Variants in MGAM observed in about 807,000 individuals in gnomAD.
MGAM encodes alpha-1,4-glucosidase.
In MGAM, 253 loss-of-function variants were observed where a neutral mutation model predicts 358.8. That is an observed-to-expected ratio of 0.71 (90% CI 0.64 to 0.78). The LOEUF (loss-of-function observed/expected upper bound fraction) is 0.78, where lower values mean the gene tolerates loss of function less well. Among genes scored for constraint, MGAM ranks in the 30% least tolerant of loss-of-function variants. The pLI, the probability that MGAM is intolerant of heterozygous loss-of-function variation, is 0.00. For synonymous variants in MGAM, 1,105 were observed against 1,227.1 expected (o/e 0.90, Z 2.08); for missense variants, 3,080 against 3,432.6 (o/e 0.90, Z 2.57).
rs550494922 is a variant in MGAM at position 142,057,572 on chromosome 7, C to T, written c.3693+630C>T. Among the ~76,000 whole-genome samples, 432 of 106,318 alleles carry T rather than the reference C, an allele frequency of 4.1e-3. 2 individuals carry two copies. The Middle Eastern group carries it at 0.062, about 15-fold the overall frequency. 69.7% of individuals were successfully genotyped at this position (106,318 alleles called of 152,430 possible). A position where few individuals can be genotyped will look rare whatever the true frequency, so the allele number is the denominator to read the frequency against. ...GGGTGGTAGTGGGGGGTGGTGGTGA[C>T]GGTAGTGAAGGGTAATGATAATGGT... On this transcript the variant is annotated intron_variant, in intron 30 of 70. Coordinates refer to ENST00000475668, the MANE Select transcript of MGAM (RefSeq NM_001365693.1).
In MGAM at chr7:142,031,735, G is replaced by C; in HGVS notation, c.1526G>C (p.Trp509Ser). ...TATACCAATCCCAACTGTGCTGTTT[G>C]GTGGACAAAGGAATTTGAGCTTTTT... Reference protein sequence around the residue: ...PDYTNPNCAVWWTKEFELFHN... With the variant: ...PDYTNPNCAVSWTKEFELFHN... The change falls in exon 13 of 71, where the codon TGG becomes TCG. Residue 509 changes from tryptophan to serine, a missense_variant. Physicochemically the swap from Trp to Ser is radical, Grantham distance 177 (BLOSUM62 -3). Transcript: ENST00000475668. 3 of 1,613,484 alleles carry C rather than the reference G, an allele frequency of 1.9e-6. No individual in the cohort carries two copies. The highest frequency in any genetic ancestry group is 2.5e-6 in the Non-Finnish European group (3 of 1,179,546).
chr7:142,052,187 A>G lies in MGAM; in HGVS notation c.2806-107A>G, dbSNP rs903727293. 6.3e-6 allele frequency: 6 copies of G among 955,532 alleles called. No homozygotes were observed. In the African/African-American group the frequency reaches 1.0e-4, roughly 16 times the overall value. 59.2% of individuals were successfully genotyped at this position (955,532 alleles called of 1,614,324 possible). On this transcript the variant is annotated intron_variant, in intron 24 of 70. Transcript: ENST00000475668. ...AAGTCATATGTTGCTTGGATGTTTG[A>G]AAGTCTGGTCTAATTTCTATTTTTT...
chr7:142,045,203 T>C lies in MGAM; in HGVS notation c.2499-2582T>C, dbSNP rs1361160017. 1.2e-4 allele frequency among the ~76,000 whole-genome samples: 7 copies of C among 57,434 alleles called. 1 individual carries two copies. The highest frequency in any genetic ancestry group is 3.8e-4 in the African/African-American group (6 of 15,618). 37.7% of individuals were successfully genotyped at this position (57,434 alleles called of 152,430 possible). A position where few individuals can be genotyped will look rare whatever the true frequency, so the allele number is the denominator to read the frequency against. ...AACATATATGATATATAATATATAT[T>C]ATATAACATATATGTATATAATATA... On this transcript the variant is annotated intron_variant, in intron 21 of 70. Coordinates refer to ENST00000475668, the MANE Select transcript of MGAM (RefSeq NM_001365693.1).
Position 142,100,855 on chromosome 7 carries a change from G to A in MGAM, c.7928G>A (p.Gly2643Glu). The change falls in exon 68 of 71, where the codon GGG (glycine) becomes GAG (glutamate). Residue 2643 changes from glycine to glutamate, a missense_variant. Gly to Glu is a moderately conservative substitution (Grantham distance 98). This residue lies in a region of MGAM where 194 missense variants were observed against 172.8 expected (regional missense o/e 1.12). Coordinates refer to ENST00000475668, the MANE Select transcript of MGAM (RefSeq NM_001365693.1). ...KIALDDEGTA[G>E]GWLFWDDGQS... ...GCCTTGGATGATGAAGGAACTGCTG[G>A]GGGCTGGCTCTTCTGGGATGATGGG... 1 of 1,613,354 alleles carries A rather than the reference G, an allele frequency of 6.2e-7. No individual in the cohort carries two copies. The highest frequency in any genetic ancestry group is 1.3e-5 in the African/African-American group (1 of 75,038).
rs1197433906 is a variant in MGAM at position 142,094,878 on chromosome 7, C to T, written c.7458+15C>T. 5 of 1,611,400 alleles carry T rather than the reference C, an allele frequency of 3.1e-6. No individual in the cohort carries two copies. The highest frequency in any genetic ancestry group is 4.5e-5 in the East Asian group (2 of 44,860). ...TTGGGACCAGGGTAGGACAGTGGCC[C>T]CTACCTCCAGTGTTTCACTTGAAAC... On this transcript the variant is annotated intron_variant, in intron 63 of 70. Transcript: ENST00000475668.
intron 1 of MGAM, chr7:142,004,290 C>T (rs1392185868): frequency 6.6e-6 from 1 of 152,108 alleles, no homozygotes; most frequent in Non-Finnish European, 1.5e-5. Flanking sequence ...TGAAATCAAT[C>T]CAAGTGTTCA....
chr7:142,088,468 T>TGTATGTA lies in MGAM; in HGVS notation c.6810+1751_6810+1752insGTATGTA, dbSNP rs371380239. Among the ~76,000 whole-genome samples the TGTATGTA allele has an allele frequency of 9.8e-3, 1,420 of 144,930 alleles. 55 individuals carry two copies. Among genetic ancestry groups the TGTATGTA allele is most frequent in the African/African-American group, 0.033 (1,342 of 40,828 alleles). ...ATGTATGTATGTATGTATGTACGTA[T>TGTATGTA]CTATCTATCTACCTATCTCAGTCTA... On this transcript the variant is annotated intron_variant, in intron 57 of 70. Coordinates refer to ENST00000475668, the MANE Select transcript of MGAM (RefSeq NM_001365693.1).
At position 142,040,334 on chromosome 7, in the gene MGAM, T is replaced by C. The variant is rs190737758; in HGVS notation, c.2373+163T>C. Reference sequence around the variant, plus strand: ...ACCTGGGTAAAGTTAACCTAAACCGTTAACATCAGTCATGATGAAATGTGA... The same window carrying C: ...ACCTGGGTAAAGTTAACCTAAACCGCTAACATCAGTCATGATGAAATGTGA... On this transcript the variant is annotated intron_variant, in intron 20 of 70. Transcript: ENST00000475668. 1.6e-4 allele frequency: 101 copies of C among 631,770 alleles called. 3 individuals carry two copies. In the South Asian group the frequency reaches 2.0e-3, roughly 12 times the overall value. 39.1% of individuals were successfully genotyped at this position (631,770 alleles called of 1,614,324 possible).
At chr7:142,057,007 T>G in intron 30 of MGAM, 65 bp downstream of exon 30, 1 of 1,452,860 alleles carries the variant, frequency 6.9e-7, no homozygotes, top group Non-Finnish European at 9.5e-7. Context: ...AGAGTCCACA[T>G]TGATTAGTAT....
At position 142,050,844 on chromosome 7, in the gene MGAM, A is replaced by G; in HGVS notation, c.2785A>G (p.Thr929Ala). The G allele has an allele frequency of 6.2e-7, 1 of 1,613,706 alleles. No individual in the cohort carries two copies. The highest frequency in any genetic ancestry group is 8.5e-7 in the Non-Finnish European group (1 of 1,179,666). Residue 929 changes from threonine (T) to alanine (A), a missense_variant, in exon 24 of 71, where the codon ACT becomes GCT. Thr to Ala is a moderately conservative substitution (Grantham distance 58, BLOSUM62 0). Around this residue, in one of 5 missense-constraint regions of MGAM, gnomAD observed 1,816 missense variants for 1,840.5 expected, o/e 0.99. Transcript: ENST00000475668. ...CCCAAGTCAGACTTCTCCTACAGTCACTTATGATTCTAACCTGAAGGTAAA... is the reference window on the plus strand; with the variant it reads ...CCCAAGTCAGACTTCTCCTACAGTCGCTTATGATTCTAACCTGAAGGTAAA... ...GVPSQTSPTV[T>A]YDSNLKVAII...
chr7:141,998,883 G>A (rs542079255), intron 1 of MGAM, among the ~76,000 whole-genome samples: 89 of 152,194 alleles, frequency 5.8e-4, no homozygotes, highest in African/African-American at 1.9e-3. Context: ...GTGTAAAAGC[G>A]TTCATATGTA....
rs1369112378 is a variant in MGAM, at chr7:142,080,739, T to C, written c.5848-52T>C. On this transcript the variant is annotated intron_variant, in intron 49 of 70. Transcript: ENST00000475668. ...AAAATCAAAAAGGTTCTGCTAAGGG[T>C]ATAGGTTTCAAGAGTAGTATTCTTG... The C allele has an allele frequency of 3.4e-6, 5 of 1,460,252 alleles. No individual in the cohort carries two copies. The Admixed American group carries it at 9.4e-5, about 27-fold the overall frequency. 90.5% of individuals were successfully genotyped at this position (1,460,252 alleles called of 1,614,324 possible).
chr7:142,052,006 A>G (rs1460786630), intron 24 of MGAM, among the ~76,000 whole-genome samples: 1 of 152,076 alleles, frequency 6.6e-6, no homozygotes, highest in Admixed American at 6.6e-5. Flanking sequence ...AGCTAAGAGG[A>G]GTCAGGGTAG....
At chr7:141,992,791 C>G (rs534524293), upstream of MGAM, among the ~76,000 whole-genome samples, 16 of 152,188 alleles carry the variant, frequency 1.1e-4, no homozygotes, top group South Asian at 3.3e-3. Flanking sequence ...TTATGTTGCC[C>G]AGGCTGGCCT....
rs534969244 is a variant in MGAM at position 142,058,877 on chromosome 7, C to T, written c.3819+549C>T. 4.6e-5 allele frequency among the ~76,000 whole-genome samples: 7 copies of T among 152,286 alleles called. No homozygotes were observed. In the South Asian group the frequency reaches 1.5e-3, roughly 32 times the overall value. Reference sequence around the variant, plus strand: ...GGGACCCAGTCATCAGAGAATTGATCCCATGAACCATCACATATTTAATTT... The same window carrying T: ...GGGACCCAGTCATCAGAGAATTGATTCCATGAACCATCACATATTTAATTT... On this transcript the variant is annotated intron_variant, in intron 31 of 70. Transcript: ENST00000475668.
In MGAM at chr7:142,021,099, T is replaced by A; in HGVS notation, c.558+16T>A. ...CCACTTTAAGGTTGTAATTTGTTTATTTTTTTTTAAGTTTTTTTGAGAGAC... is the reference window on the plus strand; with the variant it reads ...CCACTTTAAGGTTGTAATTTGTTTAATTTTTTTTAAGTTTTTTTGAGAGAC... On this transcript the variant is annotated intron_variant, in intron 5 of 70. Transcript: ENST00000475668. The A allele has an allele frequency of 6.7e-7, 1 of 1,492,398 alleles. No homozygotes were observed. Among genetic ancestry groups the A allele is most frequent in the Non-Finnish European group, 9.1e-7 (1 of 1,096,786 alleles). 92.4% of individuals were successfully genotyped at this position (1,492,398 alleles called of 1,614,324 possible). A position where few individuals can be genotyped will look rare whatever the true frequency, so the allele number is the denominator to read the frequency against.
At chr7:142,101,119 A>T (rs1816404172) in intron 68 of MGAM, among the ~76,000 whole-genome samples, 1 of 152,164 alleles carries the variant, frequency 6.6e-6, no homozygotes, top group Non-Finnish European at 1.5e-5. Flanking sequence ...TCCACTATAG[A>T]AGGTAGCAAT....
chr7:142,037,022 T>A, intron 18 of MGAM, 45 bp downstream of exon 18: 1 of 1,561,796 alleles, frequency 6.4e-7, no homozygotes, highest in Non-Finnish European at 8.8e-7. Flanking sequence ...GCATCTGGAA[T>A]GACATTGACT....
intron 10 of MGAM, among the ~76,000 whole-genome samples, chr7:142,029,379 C>A (rs1303338248): frequency 3.3e-5 from 5 of 151,976 alleles, no homozygotes; most frequent in African/African-American, 1.2e-4. Context: ...AAAAGGACTC[C>A]ATTTAAGATT....
Sources: allele counts gnomAD v4.1 joint callset (sites outside exome capture counted in the v4.1 genomes callset), GRCh38; gene constraint gnomAD v4.1.1; regional missense constraint gnomAD v4.1.1; transcripts MANE v1.5; gene names NCBI Gene and HGNC (gene_info 2026-07-23, HGNC 2026-07-21).